The following BTNL9 variants were observed in gnomAD, a reference collection of about 807,000 sequenced individuals.
The protein encoded by BTNL9 is butyrophilin-like protein 9.
In BTNL9, 45 loss-of-function variants were observed where a neutral mutation model predicts 45.8. The observed-to-expected ratio is 0.98, with a 90% CI of 0.77 to 1.26. BTNL9 has a LOEUF of 1.26. BTNL9 is among the 50% of genes most tolerant of loss of function. The pLI, the probability that BTNL9 is intolerant of heterozygous loss-of-function variation, is 0.00. For missense variants in BTNL9, 784 were observed against 729.7 expected (o/e 1.07, Z -0.86); for synonymous variants, 346 against 330.8 (o/e 1.05, Z -0.50).
chr5:181,055,819 C>T lies in BTNL9; in HGVS notation c.929-170C>T. ...CATTCATCATTTTGCATCTGATTCC[C>T]CATATATCTTCTTCTCATCTCCCAA... On this transcript the variant is annotated intron_variant, in intron 8 of 10. Transcript: ENST00000327705. The surrounding 1 kb of genome is among the most constrained non-coding windows in gnomAD (Gnocchi z 4.4). 1.3e-6 allele frequency: 1 copy of T among 788,082 alleles called. No homozygotes were observed. Among genetic ancestry groups the T allele is most frequent in the South Asian group, 1.4e-5 (1 of 72,672 alleles). The allele number at this position is 788,082 out of a possible 1,614,324, so 48.8% of individuals were successfully genotyped here.
chr5:181,055,425 G>C lies in BTNL9; in HGVS notation c.908-8G>C. On this transcript the variant is annotated splice_polypyrimidine_tract_variant and splice_region_variant and intron_variant, in intron 7 of 10. Transcript: ENST00000327705. This position sits in a 1 kb window ranked among gnomAD's most constrained non-coding sequence, Gnocchi z 4.4. ...GGCTGAAGTTTTCTTTGTGTGTTCTGCTTGCAGAAAAGCTTCAGACAGAGC... is the reference window on the plus strand; with the variant it reads ...GGCTGAAGTTTTCTTTGTGTGTTCTCCTTGCAGAAAAGCTTCAGACAGAGC... The C allele has an allele frequency of 1.2e-6, 2 of 1,614,138 alleles. No homozygotes were observed. The highest frequency in any genetic ancestry group is 1.7e-6 in the Non-Finnish European group (2 of 1,180,020).
intron 7 of BTNL9, 101 bp downstream of exon 7, chr5:181,054,360 T>C (rs1761763459): frequency 6.4e-7 from 1 of 1,571,330 alleles, no homozygotes. Flanking sequence ...GGCAACTATC[T>C]AATTCTAAAC....
Position 181,053,109 on chromosome 5 carries a change from G to T in BTNL9, c.737-91G>T. 8.8e-7 allele frequency: 1 copy of T among 1,136,906 alleles called. No individual in the cohort carries two copies. The highest frequency in any genetic ancestry group is 1.2e-6 in the Non-Finnish European group (1 of 812,428). The allele number at this position is 1,136,906 out of a possible 1,614,324, so 70.4% of individuals were successfully genotyped here. A position where few individuals can be genotyped will look rare whatever the true frequency, so the allele number is the denominator to read the frequency against. ...GTGGCGCCCGGAGAAGGTCCCGCGG[G>T]AGGTTTCCCGGCACGCGGCGGGCAG... is the stretch of plus-strand genomic sequence containing the variant. On this transcript the variant is annotated intron_variant, in intron 4 of 10. Transcript: ENST00000327705. The surrounding 1 kb of genome is among the most constrained non-coding windows in gnomAD (Gnocchi z 6.5).
rs143845470 is a variant in BTNL9, at chr5:181,042,295, T to A, written c.-24+1863T>A. Among the ~76,000 whole-genome samples, 4 of 152,318 alleles carry A rather than the reference T, an allele frequency of 2.6e-5. No individual in the cohort carries two copies. The East Asian group carries it at 7.7e-4, about 29-fold the overall frequency. On this transcript the variant is annotated intron_variant, in intron 1 of 10. Coordinates refer to ENST00000327705, the MANE Select transcript of BTNL9 (RefSeq NM_152547.5). This position sits in a 1 kb window ranked among gnomAD's most constrained non-coding sequence, Gnocchi z 4.5. ...CTCCAGCTGGAGGACCCCTTTGTGG[T>A]CCTTGCGCACACTGGGTTTTCCTTC... is the stretch of plus-strand genomic sequence containing the variant.
At position 181,048,073 on chromosome 5, in the gene BTNL9, T is replaced by G; in HGVS notation, c.256T>G (p.Tyr86Asp). The G allele has an allele frequency of 6.2e-7, 1 of 1,613,704 alleles. No individual in the cohort carries two copies. The highest frequency in any genetic ancestry group is 1.1e-5 in the South Asian group (1 of 91,074). Residue 86 changes from tyrosine to aspartate, a missense_variant, in exon 3 of 11, where the codon TAC (tyrosine) becomes GAC (aspartate). Tyr to Asp is a radical substitution (Grantham distance 160). Coordinates refer to ENST00000327705, the MANE Select transcript of BTNL9 (RefSeq NM_152547.5). ...TCAGACCTTCAATGTGGTACACCTG[T>G]ACCAGGAGCAGCAGGAGCTCCCTGG... ...RSQTFNVVHLYQEQQELPGRQ... is the reference protein window; with the variant it reads ...RSQTFNVVHLDQEQQELPGRQ...
chr5:181,053,740 C>T lies in BTNL9; in HGVS notation c.886+239C>T. ...CTAGTGCACAGATGTCAGGGTTGAC[C>T]GGCTGCTGTCGTTACGCCCTCGGAG... On this transcript the variant is annotated intron_variant, in intron 6 of 10. Coordinates refer to ENST00000327705, the MANE Select transcript of BTNL9 (RefSeq NM_152547.5). This position sits in a 1 kb window ranked among gnomAD's most constrained non-coding sequence, Gnocchi z 6.5. The T allele has an allele frequency of 1.3e-6, 2 of 1,511,984 alleles. No individual in the cohort carries two copies. Among genetic ancestry groups the T allele is most frequent in the Non-Finnish European group, 1.8e-6 (2 of 1,130,900 alleles). The allele number at this position is 1,511,984 out of a possible 1,614,324, so 93.7% of individuals were successfully genotyped here.
intron 9 of BTNL9, chr5:181,056,650 A>G (rs1761900381): frequency 2.8e-6 from 2 of 716,740 alleles, no homozygotes; most frequent in Admixed American, 2.0e-5. Flanking sequence ...CGCTGTGTGG[A>G]GATTTCTCTG....
In BTNL9 at chr5:181,042,970, C is replaced by T. The variant is rs1003098901; in HGVS notation, c.-23-2497C>T. Among the ~76,000 whole-genome samples, 54 of 152,128 alleles carry T rather than the reference C, an allele frequency of 3.5e-4. No homozygotes were observed. The highest frequency in any genetic ancestry group is 1.2e-3 in the African/African-American group (49 of 41,484). On this transcript the variant is annotated intron_variant, in intron 1 of 10. Coordinates refer to ENST00000327705, the MANE Select transcript of BTNL9 (RefSeq NM_152547.5). This position sits in a 1 kb window ranked among gnomAD's most constrained non-coding sequence, Gnocchi z 4.5. ...GAATCTGAATTCGAGAAGTGCAGAG[C>T]GAGGCTCTGGAACCAGACAGTGGGT...
intron 2 of BTNL9, chr5:181,047,588 C>A: frequency 1.2e-6 from 1 of 841,516 alleles, no homozygotes. Context: ...ATTATTTTGA[C>A]ACTTGCTTTT....
At chr5:181,056,921 C>T in intron 9 of BTNL9, 1 of 284,512 alleles carries the variant, frequency 3.5e-6, no homozygotes, top group East Asian at 7.2e-5. Context: ...CTGGGGACTT[C>T]CTCTACTGAA....
In BTNL9 at chr5:181,060,693, C is replaced by CACTACTTTTAAGTAGTGTATA. The variant is rs1762109944; in HGVS notation, c.*831_*832insACTACTTTTAAGTAGTGTATA. ...GCTGTTTCCAGTCTCAAAGCAGTAACCTTATACACTACTTATAAGTTTGAA... is the reference window on the plus strand; with the variant it reads ...GCTGTTTCCAGTCTCAAAGCAGTAACACTACTTTTAAGTAGTGTATACTTATACACTACTTATAAGTTTGAA... On this transcript the variant is annotated 3_prime_UTR_variant, in exon 11 of 11. Transcript: ENST00000327705. 6.6e-6 allele frequency: 1 copy of CACTACTTTTAAGTAGTGTATA among 152,134 alleles called. No individual in the cohort carries two copies. The highest frequency in any genetic ancestry group is 6.5e-5 in the Admixed American group (1 of 15,284). 9.4% of individuals were successfully genotyped at this position (152,134 alleles called of 1,614,324 possible).
intron 3 of BTNL9, among the ~76,000 whole-genome samples, 200 bp downstream of exon 3, chr5:181,048,471 A>G (rs1761311758): frequency 6.6e-6 from 1 of 152,046 alleles, no homozygotes. Flanking sequence ...ATATATGAAA[A>G]GGGCCGGGTA....
intron 9 of BTNL9, among the ~76,000 whole-genome samples, chr5:181,057,694 C>G (rs770352490): frequency 5.3e-5 from 8 of 152,160 alleles, no homozygotes; most frequent in Admixed American, 2.0e-4. Context: ...TACAGATAAA[C>G]TAGGGAAAAT....
At chr5:181,057,469 T>G (rs1466653108) in intron 9 of BTNL9, among the ~76,000 whole-genome samples, 1 of 152,242 alleles carries the variant, frequency 6.6e-6, no homozygotes, top group Non-Finnish European at 1.5e-5. Flanking sequence ...GCATATTGGA[T>G]TCCCATCTCT....
chr5:181,054,815 C>G, intron 7 of BTNL9: 1 of 985,334 alleles, frequency 1.0e-6, no homozygotes, highest in Non-Finnish European at 1.2e-6. Flanking sequence ...CCTCGCCCTT[C>G]AAGGGGAATG....
chr5:181,051,117 G>A (rs986789615), intron 4 of BTNL9, among the ~76,000 whole-genome samples: 1 of 151,350 alleles, frequency 6.6e-6, no homozygotes, highest in Non-Finnish European at 1.5e-5. Flanking sequence ...GAAGAAGGTG[G>A]TAGGTGCCGT....
intron 3 of BTNL9, among the ~76,000 whole-genome samples, chr5:181,049,576 G>A (rs1761422388): frequency 6.6e-6 from 1 of 152,216 alleles, no homozygotes; most frequent in Non-Finnish European, 1.5e-5. Flanking sequence ...GTGATGACGG[G>A]AAGGATGGCG....
chr5:181,054,248 C>G lies in BTNL9; in HGVS notation c.896C>G (p.Thr299Ser). ...KQAEKRQEKL[T>S]AELEKLQTEL... ...TTTTTTTTTTCTCTAGAGAAACTCA[C>G]TGCAGAGCTGGGTAAGTTCTGGGTG... The change falls in exon 7 of 11, where the codon ACT becomes AGT. Residue 299 changes from threonine to serine, a missense_variant. Thr to Ser is a moderately conservative substitution (Grantham distance 58). Coordinates refer to ENST00000327705, the MANE Select transcript of BTNL9 (RefSeq NM_152547.5). 2 of 1,603,752 alleles carry G rather than the reference C, an allele frequency of 1.2e-6. No individual in the cohort carries two copies. The highest frequency in any genetic ancestry group is 1.7e-6 in the Non-Finnish European group (2 of 1,173,896).
Position 181,059,228 on chromosome 5 carries a change from T to A in BTNL9, c.983-9T>A. 1 of 1,534,722 alleles carries A rather than the reference T, an allele frequency of 6.5e-7. No homozygotes were observed. Among genetic ancestry groups the A allele is most frequent in the Non-Finnish European group, 8.7e-7 (1 of 1,150,380 alleles). On this transcript the variant is annotated splice_polypyrimidine_tract_variant and intron_variant, in intron 10 of 10. Coordinates refer to ENST00000327705, the MANE Select transcript of BTNL9 (RefSeq NM_152547.5). ...CCCGGGCGGGCACTAACGCTGTGGC[T>A]CTGCGCAGTGGATGTGACGCTGGAC...
Sources: allele counts gnomAD v4.1 joint callset (sites outside exome capture counted in the v4.1 genomes callset), GRCh38; gene constraint gnomAD v4.1.1; non-coding constraint Gnocchi (gnomAD v3.1); transcripts MANE v1.5; gene names NCBI Gene and HGNC (gene_info 2026-07-23, HGNC 2026-07-21).